The following GALNT17 variants were observed in gnomAD, a reference collection of about 807,000 sequenced individuals.
GALNT17 encodes the protein UDP-GalNAc:polypeptide N-acetylgalactosaminyltransferase-like 3.
Under a neutral mutation model 63.7 loss-of-function variants are expected in GALNT17, and 29 were observed. The observed-to-expected ratio is 0.46, with a 90% CI of 0.34 to 0.62. The LOEUF (loss-of-function observed/expected upper bound fraction) is 0.62, where lower values mean the gene tolerates loss of function less well. Among genes scored for constraint, GALNT17 ranks in the 20% least tolerant of loss-of-function variants. The pLI is 0.01. For missense variants in GALNT17, 603 were observed against 799.6 expected (o/e 0.75, Z 2.97); for synonymous variants, 305 against 318.3 (o/e 0.96, Z 0.45).
intron 6 of GALNT17, among the ~76,000 whole-genome samples, chr7:71,648,654 C>A (rs149221058): frequency 6.6e-6 from 1 of 152,216 alleles, no homozygotes; most frequent in Non-Finnish European, 1.5e-5. Context: ...CCAGGCCGGT[C>A]TTGAACTCTC....
chr7:71,489,873 G>A (rs1787977788), intron 5 of GALNT17, among the ~76,000 whole-genome samples: 1 of 152,172 alleles, frequency 6.6e-6, no homozygotes, highest in African/African-American at 2.4e-5. Flanking sequence ...CATAGATAAG[G>A]AATGAATCTC....
intron 9 of GALNT17, among the ~76,000 whole-genome samples, chr7:71,707,993 A>G (rs1791743739): frequency 6.6e-6 from 1 of 152,196 alleles, no homozygotes; most frequent in African/African-American, 2.4e-5. Context: ...TCAGTTTTGC[A>G]ACCTACCACA....
At chr7:71,354,387 G>A (rs1792245248) in intron 2 of GALNT17, among the ~76,000 whole-genome samples, 1 of 152,146 alleles carries the variant, frequency 6.6e-6, no homozygotes, top group African/African-American at 2.4e-5. Flanking sequence ...TGTTAAGAAA[G>A]TATTCATTAG....
chr7:71,200,436 T>C lies in GALNT17; in HGVS notation c.238+67396T>C, dbSNP rs114001987. On this transcript the variant is annotated intron_variant, in intron 1 of 10. Coordinates refer to ENST00000333538, the MANE Select transcript of GALNT17 (RefSeq NM_022479.3). ...CATTTACTACTAGGTGCAGTAATAA[T>C]CCAGGTGACTGCATGTCCACTGGTG... is the stretch of plus-strand genomic sequence containing the variant. Among the ~76,000 whole-genome samples the C allele has an allele frequency of 3.0e-3, 459 of 152,282 alleles. 1 individual carries two copies. Among genetic ancestry groups the C allele is most frequent in the African/African-American group, 0.011 (447 of 41,560 alleles).
At position 71,281,790 on chromosome 7, in the gene GALNT17, T is replaced by C. The variant is rs147816795; in HGVS notation, c.239-53760T>C. 1.6e-3 allele frequency among the ~76,000 whole-genome samples: 241 copies of C among 152,350 alleles called. 1 individual carries two copies. Among genetic ancestry groups the C allele is most frequent in the African/African-American group, 5.5e-3 (227 of 41,580 alleles). On this transcript the variant is annotated intron_variant, in intron 1 of 10. Transcript: ENST00000333538. ...GATATCAGAAAAATCCATTTTGACC[T>C]AACCACCTCCCAGTGTGGGAACAAT... is the stretch of plus-strand genomic sequence containing the variant.
At position 71,132,624 on chromosome 7, in the gene GALNT17, C is replaced by A; in HGVS notation, c.-179C>A. On this transcript the variant is annotated 5_prime_UTR_variant, in exon 1 of 11. Coordinates refer to ENST00000333538, the MANE Select transcript of GALNT17 (RefSeq NM_022479.3). ...CATGTGAGCGATTCCGTTCTCCCCACCACCAATCCGACCTCCCAGCCGTCT... is the reference window on the plus strand; with the variant it reads ...CATGTGAGCGATTCCGTTCTCCCCAACACCAATCCGACCTCCCAGCCGTCT... 1 of 585,866 alleles carries A rather than the reference C, an allele frequency of 1.7e-6. No homozygotes were observed. The highest frequency in any genetic ancestry group is 3.0e-6 in the Non-Finnish European group (1 of 334,620). The allele number at this position is 585,866 out of a possible 1,614,324, so 36.3% of individuals were successfully genotyped here. A position where few individuals can be genotyped will look rare whatever the true frequency, so the allele number is the denominator to read the frequency against.
chr7:71,605,091 T>C (rs1790025424), intron 6 of GALNT17, among the ~76,000 whole-genome samples: 1 of 152,144 alleles, frequency 6.6e-6, no homozygotes, highest in South Asian at 2.1e-4. Flanking sequence ...CCAGTGAAAC[T>C]ACATTGAGAA....
At chr7:71,454,077 G>A (rs1478096423) in intron 5 of GALNT17, among the ~76,000 whole-genome samples, 4 of 152,200 alleles carry the variant, frequency 2.6e-5, no homozygotes, top group African/African-American at 4.8e-5. Context: ...GAATGATCGG[G>A]TTCATACATT....
intron 6 of GALNT17, among the ~76,000 whole-genome samples, chr7:71,664,436 C>G (rs1240751744): frequency 6.6e-6 from 1 of 152,020 alleles, no homozygotes; most frequent in African/African-American, 2.4e-5. Flanking sequence ...ATAGCGAGAC[C>G]TCATCTCTAC....
chr7:71,552,014 AT>A (rs1156739942), intron 5 of GALNT17, among the ~76,000 whole-genome samples: 2 of 2,146 alleles, frequency 9.3e-4, no homozygotes, highest in East Asian at 0.14. Context: ...TGCTCTTTTT[AT>A]TTATTTATTT....
chr7:71,306,634 G>T (rs1791303732), intron 1 of GALNT17, among the ~76,000 whole-genome samples: 1 of 152,030 alleles, frequency 6.6e-6, no homozygotes, highest in Admixed American at 6.6e-5. Flanking sequence ...AAAAATAATT[G>T]CTGTTTTTGC....
intron 3 of GALNT17, among the ~76,000 whole-genome samples, chr7:71,407,487 C>T (rs913352693): frequency 2.0e-5 from 3 of 152,204 alleles, no homozygotes; most frequent in Admixed American, 6.5e-5. Context: ...GTGGCTCATT[C>T]GTGTAATCCC....
chr7:71,469,923 T>A (rs935774949), intron 5 of GALNT17, among the ~76,000 whole-genome samples: 15 of 152,258 alleles, frequency 9.9e-5, no homozygotes, highest in Admixed American at 2.0e-4. Context: ...AAGATTGTAG[T>A]CCAGGCCAGG....
At chr7:71,601,399 G>A (rs939984404) in intron 6 of GALNT17, among the ~76,000 whole-genome samples, 14 of 152,184 alleles carry the variant, frequency 9.2e-5, no homozygotes, top group Middle Eastern at 3.4e-3. Context: ...ATTCCTTGGG[G>A]AGTGATTTGG....
chr7:71,410,877 C>T (rs1467541197), intron 3 of GALNT17, among the ~76,000 whole-genome samples: 1 of 152,160 alleles, frequency 6.6e-6, no homozygotes, highest in African/African-American at 2.4e-5. Context: ...TGCTGTTTAT[C>T]AAAATCTTAA....
At chr7:71,337,829 T>A (rs1162256524) in intron 2 of GALNT17, among the ~76,000 whole-genome samples, 1 of 150,996 alleles carries the variant, frequency 6.6e-6, no homozygotes, top group Non-Finnish European at 1.5e-5. Context: ...GATCACACCA[T>A]TGCACTCCAG....
intron 1 of GALNT17, among the ~76,000 whole-genome samples, chr7:71,213,734 T>C (rs1789424563): frequency 6.6e-6 from 1 of 152,240 alleles, no homozygotes; most frequent in African/African-American, 2.4e-5. Context: ...TTGGATCATC[T>C]TCTGTCATCC....
chr7:71,197,554 A>G (rs1789077752), intron 1 of GALNT17, among the ~76,000 whole-genome samples: 1 of 151,532 alleles, frequency 6.6e-6, no homozygotes, highest in South Asian at 2.1e-4. Context: ...ATCTAATTAT[A>G]TTTTTGTACC....
chr7:71,481,197 A>C (rs1274752379), intron 5 of GALNT17, among the ~76,000 whole-genome samples: 1 of 152,232 alleles, frequency 6.6e-6, no homozygotes, highest in Non-Finnish European at 1.5e-5. Context: ...CTGTAATCCC[A>C]GTACTTTGGG....
Sources: allele counts gnomAD v4.1 joint callset (sites outside exome capture counted in the v4.1 genomes callset), GRCh38; gene constraint gnomAD v4.1.1; transcripts MANE v1.5; gene names NCBI Gene and HGNC (gene_info 2026-07-23, HGNC 2026-07-21).